GTF2H5: variants seen among roughly 807,000 people sequenced by gnomAD.
The protein encoded by GTF2H5 is TFB5 ortholog.
GTF2H5 carries 5 observed loss-of-function variants against 7.1 expected under a neutral mutation model. That is an observed-to-expected ratio of 0.71 (90% confidence interval 0.37 to 1.49). GTF2H5 has a LOEUF of 1.49. Among genes scored for constraint, GTF2H5 ranks in the 40% most tolerant of loss-of-function variants. GTF2H5 has a pLI of 0.03. For missense variants in GTF2H5, 80 were observed against 83.0 expected (o/e 0.96, Z 0.14); for synonymous variants, 30 against 31.7 (o/e 0.95, Z 0.18).
intron 2 of GTF2H5, among the ~76,000 whole-genome samples, chr6:158,187,870 T>A (rs1680204019): frequency 6.6e-6 from 1 of 152,052 alleles, no homozygotes; most frequent in African/African-American, 2.4e-5. Flanking sequence ...CCGGCCAAGA[T>A]CTCTGTTTTA....
rs906503447 is a variant in GTF2H5 at position 158,194,143 on chromosome 6, A to G, written c.*1986A>G. 6.6e-6 allele frequency: 1 copy of G among 152,214 alleles called. No individual in the cohort carries two copies. The highest frequency in any genetic ancestry group is 1.5e-5 in the Non-Finnish European group (1 of 68,042). 9.4% of individuals were successfully genotyped at this position (152,214 alleles called of 1,614,324 possible). A position where few individuals can be genotyped will look rare whatever the true frequency, so the allele number is the denominator to read the frequency against. ...ATGAAACTTAGAAAATTTTTGATAG[A>G]ATCCCAGAGTTCAAAAGGTATTAGG... On this transcript the variant is annotated 3_prime_UTR_variant, in exon 3 of 3. Transcript: ENST00000607778.
At chr6:158,176,675 G>C (rs1785939247) in intron 2 of GTF2H5, among the ~76,000 whole-genome samples, 1 of 152,182 alleles carries the variant, frequency 6.6e-6, no homozygotes, top group Admixed American at 6.5e-5. Context: ...ATTAAAGACA[G>C]ACACACAGAA....
intron 1 of GTF2H5, among the ~76,000 whole-genome samples, chr6:158,169,659 A>AAT (rs1224862241): frequency 1.5e-5 from 1 of 68,676 alleles, no homozygotes; most frequent in African/African-American, 7.5e-5. Context: ...TATTACATAT[A>AAT]ATATATTGTA....
At chr6:158,188,746 C>T (rs1776973200) in intron 2 of GTF2H5, among the ~76,000 whole-genome samples, 1 of 152,128 alleles carries the variant, frequency 6.6e-6, no homozygotes, top group Admixed American at 6.5e-5. Flanking sequence ...GTAAAATACC[C>T]CATTCATCCT....
chr6:158,192,369 G>A lies in GTF2H5; in HGVS notation c.*212G>A, dbSNP rs1359917767. On this transcript the variant is annotated 3_prime_UTR_variant, in exon 3 of 3. Transcript: ENST00000607778. ...AAAAAAAAAAAAGCTTTAACAGTTG[G>A]CTGTAATTTGGCTTTTATTATCCTT... The A allele has an allele frequency of 3.8e-6, 2 of 528,654 alleles. No homozygotes were observed. The highest frequency in any genetic ancestry group is 6.8e-6 in the Non-Finnish European group (2 of 295,668). The allele number at this position is 528,654 out of a possible 1,614,324, so 32.7% of individuals were successfully genotyped here.
At chr6:158,171,557 G>A (rs1018733725) in intron 2 of GTF2H5, among the ~76,000 whole-genome samples, 2 of 152,184 alleles carry the variant, frequency 1.3e-5, no homozygotes, top group Admixed American at 6.5e-5. Context: ...ATGAGCGGCT[G>A]TGTTGGGCAC....
intron 2 of GTF2H5, among the ~76,000 whole-genome samples, chr6:158,173,817 C>T (rs536922526): frequency 6.6e-5 from 10 of 152,218 alleles, no homozygotes; most frequent in Non-Finnish European, 1.2e-4. Context: ...GGGAAGCAGG[C>T]GGGCCTGCTA....
intron 2 of GTF2H5, among the ~76,000 whole-genome samples, chr6:158,172,907 C>T (rs1462981526): frequency 1.3e-5 from 2 of 152,150 alleles, no homozygotes; most frequent in South Asian, 2.1e-4. Flanking sequence ...TCTGGGGAGA[C>T]TCTGAAGTCT....
intron 1 of GTF2H5, among the ~76,000 whole-genome samples, chr6:158,168,683 T>C (rs1351718413): frequency 6.6e-6 from 1 of 152,216 alleles, no homozygotes; most frequent in Non-Finnish European, 1.5e-5. Context: ...CCAGCCTAGG[T>C]CCGCACGGGA....
chr6:158,178,225 C>T (rs1785958899), intron 2 of GTF2H5, among the ~76,000 whole-genome samples: 1 of 152,068 alleles, frequency 6.6e-6, no homozygotes, highest in Admixed American at 6.6e-5. Context: ...CACCTGTAAT[C>T]CCTGTAATCC....
At chr6:158,169,815 A>G (rs533259542) in intron 1 of GTF2H5, among the ~76,000 whole-genome samples, 1 of 96,592 alleles carries the variant, frequency 1.0e-5, no homozygotes, top group Non-Finnish European at 2.0e-5. Context: ...ATTATATATT[A>G]TATATAAAAG....
chr6:158,196,807 A>G lies in GTF2H5; in HGVS notation c.*4650A>G, dbSNP rs1777120419. 6.6e-6 allele frequency: 1 copy of G among 152,258 alleles called. No homozygotes were observed. The highest frequency in any genetic ancestry group is 1.5e-5 in the Non-Finnish European group (1 of 68,048). 9.4% of individuals were successfully genotyped at this position (152,258 alleles called of 1,614,324 possible). A position where few individuals can be genotyped will look rare whatever the true frequency, so the allele number is the denominator to read the frequency against. ...AAGAAAGGACAAGACAATGTTGAAG[A>G]TGAAACCTACAGCAGCAGACCATGC... On this transcript the variant is annotated 3_prime_UTR_variant, in exon 3 of 3. Coordinates refer to ENST00000607778, the MANE Select transcript of GTF2H5 (RefSeq NM_207118.3).
chr6:158,180,072 C>T (rs895257218), intron 2 of GTF2H5, among the ~76,000 whole-genome samples: 1 of 152,040 alleles, frequency 6.6e-6, no homozygotes, highest in Non-Finnish European at 1.5e-5. Flanking sequence ...TGAATTTTGT[C>T]GAAGGCCTTT....
At position 158,195,496 on chromosome 6, in the gene GTF2H5, G is replaced by A. The variant is rs574017009; in HGVS notation, c.*3339G>A. 1 of 152,264 alleles carries A rather than the reference G, an allele frequency of 6.6e-6. No homozygotes were observed. The highest frequency in any genetic ancestry group is 1.9e-4 in the East Asian group (1 of 5,188). The allele number at this position is 152,264 out of a possible 1,614,324, so 9.4% of individuals were successfully genotyped here. A position where few individuals can be genotyped will look rare whatever the true frequency, so the allele number is the denominator to read the frequency against. On this transcript the variant is annotated 3_prime_UTR_variant, in exon 3 of 3. Coordinates refer to ENST00000607778, the MANE Select transcript of GTF2H5 (RefSeq NM_207118.3). ...TGATGGATATAACAATGTATTTTGAGAAATCAGTTTTGGTGAACAGTAACA... is the reference window on the plus strand; with the variant it reads ...TGATGGATATAACAATGTATTTTGAAAAATCAGTTTTGGTGAACAGTAACA...
rs1473075118 is a variant in GTF2H5, at chr6:158,195,201, A to G, written c.*3044A>G. On this transcript the variant is annotated 3_prime_UTR_variant, in exon 3 of 3. Coordinates refer to ENST00000607778, the MANE Select transcript of GTF2H5 (RefSeq NM_207118.3). The stretch of plus-strand genomic sequence containing the variant: ...GCATTAAAATGACTTAACTGGAGGC[A>G]GGAGGATCACTGAAGCCCAGGAGTT... The G allele has an allele frequency of 6.6e-6, 1 of 151,808 alleles. No individual in the cohort carries two copies. Among genetic ancestry groups the G allele is most frequent in the African/African-American group, 2.4e-5 (1 of 41,248 alleles). The allele number at this position is 151,808 out of a possible 1,614,324, so 9.4% of individuals were successfully genotyped here. A position where few individuals can be genotyped will look rare whatever the true frequency, so the allele number is the denominator to read the frequency against.
In GTF2H5 at chr6:158,195,460, A is replaced by G. The variant is rs1164512703; in HGVS notation, c.*3303A>G. Reference sequence around the variant, plus strand: ...ATTTAAAATTCCAGGGATCCTATCTAACATCACAGTTGATGGATATAACAA... The same window carrying G: ...ATTTAAAATTCCAGGGATCCTATCTGACATCACAGTTGATGGATATAACAA... On this transcript the variant is annotated 3_prime_UTR_variant, in exon 3 of 3. Transcript: ENST00000607778. 6.6e-6 allele frequency: 1 copy of G among 152,238 alleles called. No individual in the cohort carries two copies. The highest frequency in any genetic ancestry group is 1.9e-4 in the East Asian group (1 of 5,204). 9.4% of individuals were successfully genotyped at this position (152,238 alleles called of 1,614,324 possible).
At chr6:158,175,457 T>TA (rs1439302956) in intron 2 of GTF2H5, among the ~76,000 whole-genome samples, 1 of 152,188 alleles carries the variant, frequency 6.6e-6, no homozygotes, top group Non-Finnish European at 1.5e-5. Flanking sequence ...ATAACTCCGT[T>TA]TCTATAAGTT....
intron 2 of GTF2H5, among the ~76,000 whole-genome samples, chr6:158,184,644 G>T (rs1474259504): frequency 6.6e-6 from 1 of 152,094 alleles, no homozygotes; most frequent in Non-Finnish European, 1.5e-5. Flanking sequence ...TGCTTTTAAA[G>T]GGGAAATAAA....
Position 158,192,125 on chromosome 6 carries a change from G to A in GTF2H5, c.184G>A (p.Asp62Asn). The A allele has an allele frequency of 6.2e-7, 1 of 1,613,406 alleles. No individual in the cohort carries two copies. The highest frequency in any genetic ancestry group is 8.5e-7 in the Non-Finnish European group (1 of 1,179,936). Residue 62 changes from aspartate to asparagine, a missense_variant, in exon 3 of 3, where the codon GAC (aspartate) becomes AAC (asparagine). Asp to Asn is a conservative substitution (Grantham distance 23). Coordinates refer to ENST00000607778, the MANE Select transcript of GTF2H5 (RefSeq NM_207118.3). The part of the protein sequence containing the change: ...VLQERVGELM[D>N]QNAFSLTQK ...CCAGGAGCGAGTGGGTGAATTAATG[G>A]ACCAAAATGCTTTTTCCCTTACCCA...
Sources: allele counts gnomAD v4.1 joint callset (sites outside exome capture counted in the v4.1 genomes callset), GRCh38; gene constraint gnomAD v4.1.1; transcripts MANE v1.5; gene names NCBI Gene and HGNC (gene_info 2026-07-23, HGNC 2026-07-21).